FOXP1: variants seen among roughly 807,000 people sequenced by gnomAD.
The protein encoded by FOXP1 is forkhead box protein P1.
In FOXP1, 15 loss-of-function variants were observed where a neutral mutation model predicts 98.2. The ratio of observed to expected loss-of-function variants is 0.15; its 90% confidence interval spans 0.10 to 0.24. The LOEUF (loss-of-function observed/expected upper bound fraction) is 0.24, where lower values mean the gene tolerates loss of function less well. FOXP1 is among the 10% of genes least tolerant of loss of function. The pLI is 1.00. For synonymous variants in FOXP1, 371 were observed against 314.5 expected (o/e 1.18, Z -1.90); for missense variants, 633 against 848.5 (o/e 0.75, Z 3.15).
Position 71,336,486 on chromosome 3 carries a change from C to T in FOXP1, c.-73+22664G>A, listed in dbSNP as rs181326389. The stretch of plus-strand genomic sequence containing the variant: ...GTTCCCCTCCCTGTGTCCATGTGTT[C>T]GATAAAAACATGAAAATTTAATGGT... On this transcript the variant is annotated intron_variant, in intron 4 of 20. Transcript: ENST00000649528. Among the ~76,000 whole-genome samples the T allele has an allele frequency of 9.1e-3, 1,387 of 151,734 alleles. 22 individuals are homozygous for T. Among genetic ancestry groups the T allele is most frequent in the African/African-American group, 0.032 (1,324 of 41,330 alleles).
At chr3:71,037,801 G>A (rs1162886292) in intron 11 of FOXP1, among the ~76,000 whole-genome samples, 2 of 152,176 alleles carry the variant, frequency 1.3e-5, no homozygotes, top group East Asian at 1.9e-4. Flanking sequence ...TGATTTGAAC[G>A]CTGGCATCCG....
intron 6 of FOXP1, among the ~76,000 whole-genome samples, chr3:71,146,284 C>T (rs2060303217): frequency 6.6e-6 from 1 of 152,118 alleles, no homozygotes; most frequent in South Asian, 2.1e-4. Flanking sequence ...ATTTGTATGG[C>T]AAGATAAGGA....
chr3:71,408,630 G>A (rs928654244), intron 3 of FOXP1, among the ~76,000 whole-genome samples: 4 of 152,208 alleles, frequency 2.6e-5, no homozygotes, highest in Non-Finnish European at 5.9e-5. Flanking sequence ...GCATTTAGAT[G>A]AGATAGTAAA....
chr3:71,439,763 G>A (rs1401123070), intron 3 of FOXP1, among the ~76,000 whole-genome samples: 2 of 152,032 alleles, frequency 1.3e-5, no homozygotes, highest in African/African-American at 4.8e-5. Context: ...GGCCAACAAG[G>A]CAAAACCCCA....
intron 5 of FOXP1, among the ~76,000 whole-genome samples, chr3:71,222,936 G>A (rs2065512890): frequency 1.3e-5 from 2 of 152,148 alleles, no homozygotes; most frequent in Non-Finnish European, 2.9e-5. Context: ...CAACTCCTTT[G>A]ATGTTCAGTC....
At chr3:71,516,925 G>A (rs891161489) in intron 2 of FOXP1, among the ~76,000 whole-genome samples, 3 of 152,154 alleles carry the variant, frequency 2.0e-5, no homozygotes, top group African/African-American at 4.8e-5. Context: ...CATATATGAA[G>A]CACCCATCCA....
At chr3:71,433,452 C>CCATTTCTTTG (rs1353039978) in intron 3 of FOXP1, among the ~76,000 whole-genome samples, 2 of 152,082 alleles carry the variant, frequency 1.3e-5, no homozygotes, top group African/African-American at 2.4e-5. Context: ...ACGGGTTCAA[C>CCATTTCTTTG]CATGAGAAAT....
Position 71,057,115 on chromosome 3 carries a change from CAA to C in FOXP1, c.283-3344_283-3343del, listed in dbSNP as rs548607401. 5.4e-4 allele frequency among the ~76,000 whole-genome samples: 82 copies of C among 152,212 alleles called. 1 individual carries two copies. In the East Asian group the frequency reaches 0.013, roughly 24 times the overall value. Reference sequence around the variant, plus strand: ...TGTCTGGAAAGCGGCTAAAGGCACACAAGAGAGAGTGCTTTAGCACTGAGAAA... The same window carrying C: ...TGTCTGGAAAGCGGCTAAAGGCACACGAGAGAGTGCTTTAGCACTGAGAAA... On this transcript the variant is annotated intron_variant, in intron 7 of 20. Coordinates refer to ENST00000649528, the MANE Select transcript of FOXP1 (RefSeq NM_001349338.3).
intron 5 of FOXP1, among the ~76,000 whole-genome samples, chr3:71,287,274 C>G (rs1461035611): frequency 6.6e-5 from 10 of 152,084 alleles, no homozygotes; most frequent in Admixed American, 6.6e-4. Context: ...GAGTTTAAGA[C>G]CAGCCTGGGG....
At chr3:71,188,035 T>C (rs746718355) in intron 6 of FOXP1, among the ~76,000 whole-genome samples, 1 of 152,208 alleles carries the variant, frequency 6.6e-6, no homozygotes, top group Non-Finnish European at 1.5e-5. Context: ...ATTATAATAA[T>C]AAAAAGTCAC....
At chr3:71,298,205 G>A (rs552446052) in intron 5 of FOXP1, among the ~76,000 whole-genome samples, 2 of 152,240 alleles carry the variant, frequency 1.3e-5, no homozygotes, top group African/African-American at 4.8e-5. Flanking sequence ...AGTGCCTCAC[G>A]CCTGTAATCC....
intron 5 of FOXP1, among the ~76,000 whole-genome samples, chr3:71,286,076 T>C (rs1038513241): frequency 2.0e-5 from 3 of 152,236 alleles, no homozygotes; most frequent in Non-Finnish European, 4.4e-5. Context: ...GAAAACCGTA[T>C]GTCCCAGCAC....
chr3:71,204,917 T>C (rs1276475481), intron 5 of FOXP1, among the ~76,000 whole-genome samples: 2 of 152,160 alleles, frequency 1.3e-5, no homozygotes, highest in Non-Finnish European at 2.9e-5. Flanking sequence ...TCCCATTTCA[T>C]GGAAAGACTA....
intron 3 of FOXP1, among the ~76,000 whole-genome samples, chr3:71,370,892 C>G (rs1560384241): frequency 6.6e-6 from 1 of 151,192 alleles, no homozygotes; most frequent in East Asian, 2.0e-4. Flanking sequence ...ACCTCCACCT[C>G]CCGGGTTCAA....
intron 3 of FOXP1, among the ~76,000 whole-genome samples, chr3:71,378,311 T>G (rs1406878697): frequency 9.2e-5 from 14 of 152,150 alleles, no homozygotes; most frequent in Admixed American, 9.2e-4. Flanking sequence ...TAATATACAG[T>G]ATCATATACT....
chr3:71,576,297 C>A (rs897373893), intron 2 of FOXP1, among the ~76,000 whole-genome samples: 1 of 152,100 alleles, frequency 6.6e-6, no homozygotes, highest in African/African-American at 2.4e-5. Flanking sequence ...AAACAGAACA[C>A]TGGAACACAA....
intron 17 of FOXP1, among the ~76,000 whole-genome samples, chr3:70,976,453 G>A (rs1032059893): frequency 7.2e-5 from 11 of 152,226 alleles, no homozygotes; most frequent in African/African-American, 2.7e-4. Context: ...AACAGTGCTA[G>A]TGCTTGGATT....
intron 4 of FOXP1, among the ~76,000 whole-genome samples, chr3:71,324,993 G>A (rs989549267): frequency 2.0e-5 from 3 of 151,756 alleles, no homozygotes; most frequent in Admixed American, 1.3e-4. Context: ...TGGACCCAGC[G>A]CTGCTCTACA....
At chr3:71,433,797 G>C (rs894281279) in intron 3 of FOXP1, among the ~76,000 whole-genome samples, 4 of 152,164 alleles carry the variant, frequency 2.6e-5, no homozygotes, top group Non-Finnish European at 4.4e-5. Context: ...TTACCTGGAT[G>C]AATGTGAATG....
Sources: allele counts gnomAD v4.1 joint callset (sites outside exome capture counted in the v4.1 genomes callset), GRCh38; gene constraint gnomAD v4.1.1; transcripts MANE v1.5; gene names NCBI Gene and HGNC (gene_info 2026-07-23, HGNC 2026-07-21).